The following PHF24 variants were observed in gnomAD, a reference collection of about 807,000 sequenced individuals.
The protein encoded by PHF24 is PHD finger protein 24, also known as Galpha inhibitory interacting protein.
In PHF24, 25 loss-of-function variants were observed where a neutral mutation model predicts 42.6. The ratio of observed to expected loss-of-function variants is 0.59; its 90% CI spans 0.43 to 0.82. PHF24 has a LOEUF of 0.82. Among genes scored for constraint, PHF24 ranks in the 40% least tolerant of loss-of-function variants. PHF24 has a pLI of 0.00. For synonymous variants in PHF24, 185 were observed against 204.8 expected, an observed-to-expected ratio of 0.90 and a Z score of 0.83; for missense variants, 470 against 538.1, an observed-to-expected ratio of 0.87 and a Z score of 1.25.
At chr9:34,982,113 C>G (rs537393964) in exon 8 of PHF24, 1 of 152,320 alleles carries the variant, frequency 6.6e-6, no homozygotes, top group Admixed American at 6.5e-5. Context: ...GGGCCAGTGA[C>G]TAAGAAGCCC....
chr9:34,679,996 A>G, the PHF24 span, among the ~76,000 whole-genome samples: 22 of 152,286 alleles, frequency 1.4e-4, no homozygotes, highest in African/African-American at 5.3e-4. Flanking sequence ...CTAGACCTAC[A>G]CTGTTGGCTC....
the PHF24 span, among the ~76,000 whole-genome samples, chr9:34,906,741 T>C: frequency 6.6e-6 from 1 of 151,674 alleles, no homozygotes; most frequent in Admixed American, 6.6e-5. Flanking sequence ...GGAGGGACTC[T>C]CTTGGAATTT....
rs186459963 is a variant in PHF24 at position 34,973,052 on chromosome 9, G to A, written c.564+521G>A. ...CCAAGTGCATTGTAGGATGTTTAGC[G>A]GCACCCTGGCCTTAATCCCCTAGAT... On this transcript the variant is annotated intron_variant, in intron 3 of 7. Transcript: ENST00000242315. 2.2e-4 allele frequency among the ~76,000 whole-genome samples: 34 copies of A among 152,204 alleles called. 1 individual carries two copies. The highest frequency in any genetic ancestry group is 1.9e-3 in the South Asian group (9 of 4,818).
the PHF24 span, chr9:34,832,552 C>T: frequency 6.5e-7 from 1 of 1,535,786 alleles, no homozygotes; most frequent in Non-Finnish European, 8.8e-7. Flanking sequence ...AGGCTCTTTG[C>T]AACATTTTCT....
the PHF24 span, among the ~76,000 whole-genome samples, chr9:34,686,657 C>T: frequency 6.6e-6 from 1 of 152,150 alleles, no homozygotes; most frequent in East Asian, 1.9e-4. Flanking sequence ...ATATTGGCTG[C>T]TGAGATATTG....
At chr9:34,899,281 G>A in the PHF24 span, among the ~76,000 whole-genome samples, 16 of 152,286 alleles carry the variant, frequency 1.1e-4, no homozygotes, top group South Asian at 2.1e-4. Flanking sequence ...TTTGTTTCTA[G>A]AAAACTTGCT....
chr9:34,757,862 T>C, the PHF24 span, among the ~76,000 whole-genome samples: 1 of 152,284 alleles, frequency 6.6e-6, no homozygotes, highest in Admixed American at 6.5e-5. Flanking sequence ...GTTTGGGGTC[T>C]GGCTTGCTGG....
chr9:34,734,874 A>C, the PHF24 span, among the ~76,000 whole-genome samples: 2 of 152,228 alleles, frequency 1.3e-5, no homozygotes, highest in Non-Finnish European at 2.9e-5. Flanking sequence ...CATCAAGAGC[A>C]TGGAGGATGA....
chr9:34,846,112 C>G, the PHF24 span, among the ~76,000 whole-genome samples: 1 of 152,074 alleles, frequency 6.6e-6, no homozygotes, highest in Non-Finnish European at 1.5e-5. Context: ...TGGGTATATA[C>G]CCAGTAATGG....
chr9:34,913,941 T>A, the PHF24 span, among the ~76,000 whole-genome samples: 1 of 152,172 alleles, frequency 6.6e-6, no homozygotes, highest in African/African-American at 2.4e-5. Context: ...GAAGAGGAGA[T>A]TTAGGTGTCT....
At chr9:34,744,257 A>G in the PHF24 span, among the ~76,000 whole-genome samples, 13 of 152,360 alleles carry the variant, frequency 8.5e-5, no homozygotes, top group South Asian at 6.2e-4. Context: ...ACAAAGCTCA[A>G]TTGGATATCA....
the PHF24 span, among the ~76,000 whole-genome samples, chr9:34,815,601 C>T: frequency 2.6e-5 from 4 of 152,318 alleles, no homozygotes; most frequent in South Asian, 4.1e-4. Flanking sequence ...GGATTACAGG[C>T]GTGAGCTACC....
At chr9:34,715,148 G>A in the PHF24 span, among the ~76,000 whole-genome samples, 1 of 152,102 alleles carries the variant, frequency 6.6e-6, no homozygotes, top group African/African-American at 2.4e-5. Context: ...TCTGGAGGTG[G>A]AAACCTGGCT....
the PHF24 span, among the ~76,000 whole-genome samples, chr9:34,859,833 G>A: frequency 1.3e-5 from 2 of 152,064 alleles, no homozygotes; most frequent in Non-Finnish European, 2.9e-5. Flanking sequence ...TGTTGGCATA[G>A]GCACTCTACC....
the PHF24 span, among the ~76,000 whole-genome samples, chr9:34,730,848 C>G: frequency 6.6e-6 from 1 of 152,046 alleles, no homozygotes; most frequent in African/African-American, 2.4e-5. Context: ...AGGGAATGGG[C>G]CATGGAGTTC....
At chr9:34,722,460 T>C in the PHF24 span, among the ~76,000 whole-genome samples, 6 of 152,170 alleles carry the variant, frequency 3.9e-5, 1 homozygote, top group East Asian at 1.2e-3. Flanking sequence ...TGGTTTGAGA[T>C]GAATATTGGA....
At chr9:34,747,778 C>T in the PHF24 span, among the ~76,000 whole-genome samples, 1 of 152,098 alleles carries the variant, frequency 6.6e-6, no homozygotes, top group Non-Finnish European at 1.5e-5. Flanking sequence ...TTCCTGATGA[C>T]CCGGAAATTC....
At chr9:34,726,949 G>C in the PHF24 span, 3 of 1,551,272 alleles carry the variant, frequency 1.9e-6, no homozygotes, top group East Asian at 2.4e-5. Context: ...CTGCACACAG[G>C]ATTCGCCGCA....
At chr9:34,690,191 C>T in the PHF24 span, 8 of 1,613,794 alleles carry the variant, frequency 5.0e-6, no homozygotes, top group Non-Finnish European at 5.9e-6. Flanking sequence ...TGAGGCTAGA[C>T]ACCCTCCCCA....
Sources: allele counts gnomAD v4.1 joint callset (sites outside exome capture counted in the v4.1 genomes callset), GRCh38; gene constraint gnomAD v4.1.1; transcripts MANE v1.5; gene names NCBI Gene and HGNC (gene_info 2026-07-23, HGNC 2026-07-21).